ZWILCH: variants seen among roughly 807,000 people sequenced by gnomAD.
ZWILCH encodes protein zwilch homolog.
Under a neutral mutation model 79.9 loss-of-function variants are expected in ZWILCH, and 74 were observed. That is an observed-to-expected ratio of 0.93 (90% confidence interval 0.77 to 1.12). ZWILCH has a LOEUF of 1.12. Ranked by LOEUF, ZWILCH falls within the 50% of genes most tolerant of loss-of-function variation. The pLI is 0.00. For missense variants in ZWILCH, 694 were observed against 687.5 expected, an observed-to-expected ratio of 1.01 and a Z score of -0.11; for synonymous variants, 241 against 228.2, an observed-to-expected ratio of 1.06 and a Z score of -0.51.
chr15:66,526,909 A>G (rs1287766125), intron 8 of ZWILCH, among the ~76,000 whole-genome samples: 2 of 152,194 alleles, frequency 1.3e-5, no homozygotes, highest in Non-Finnish European at 2.9e-5. Context: ...CAAAGTTGCA[A>G]GCATCTCCAG....
intron 17 of ZWILCH, among the ~76,000 whole-genome samples, chr15:66,544,467 G>A (rs1278318404): frequency 2.0e-5 from 3 of 151,432 alleles, no homozygotes; most frequent in Non-Finnish European, 4.4e-5. Flanking sequence ...AAGTAGCTTG[G>A]GACTATGGGT....
At chr15:66,528,529 C>CT (rs1894754533) in intron 10 of ZWILCH, among the ~76,000 whole-genome samples, 1 of 152,074 alleles carries the variant, frequency 6.6e-6, no homozygotes, top group Admixed American at 6.5e-5. Context: ...TTAATATACT[C>CT]TAAGATGGTA....
intron 2 of ZWILCH, among the ~76,000 whole-genome samples, chr15:66,510,919 A>G (rs1894036863): frequency 6.6e-6 from 1 of 152,196 alleles, no homozygotes; most frequent in South Asian, 2.1e-4. Context: ...CCTAATCCAA[A>G]TTAATCCTCA....
At chr15:66,533,738 A>G (rs1295301464) in intron 14 of ZWILCH, among the ~76,000 whole-genome samples, 3 of 152,138 alleles carry the variant, frequency 2.0e-5, no homozygotes, top group Admixed American at 2.0e-4. Flanking sequence ...GCGCACACAC[A>G]CACACACAAA....
Position 66,540,283 on chromosome 15 carries a change from G to A in ZWILCH, c.1687+73G>A, listed in dbSNP as rs540728959. On this transcript the variant is annotated intron_variant, in intron 17 of 18. Transcript: ENST00000307897. ...TAAACTAAGTCTGGCTGGGCACAGC[G>A]GCTCACGCCTGTAATCCCAGCACTT... 94 of 1,269,664 alleles carry A rather than the reference G, an allele frequency of 7.4e-5. No individual in the cohort carries two copies. The African/African-American group carries it at 8.6e-4, about 12-fold the overall frequency. The allele number at this position is 1,269,664 out of a possible 1,614,324, so 78.6% of individuals were successfully genotyped here.
chr15:66,523,364 C>T (rs1894567703), intron 7 of ZWILCH: 2 of 231,078 alleles, frequency 8.7e-6, no homozygotes, highest in Non-Finnish European at 8.4e-6. Flanking sequence ...TAAATTTCTC[C>T]TACCTTGTCC....
chr15:66,535,419 T>C (rs1225337258), intron 14 of ZWILCH, among the ~76,000 whole-genome samples: 2 of 152,094 alleles, frequency 1.3e-5, no homozygotes, highest in Non-Finnish European at 2.9e-5. Flanking sequence ...TTTACGCCTG[T>C]AATCCCAGCA....
rs754610956 is a variant in ZWILCH at position 66,513,984 on chromosome 15, A to C, written c.106-4A>C. 1.1e-5 allele frequency: 17 copies of C among 1,606,752 alleles called. No individual in the cohort carries two copies. The East Asian group carries it at 2.9e-4, about 27-fold the overall frequency. On this transcript the variant is annotated splice_region_variant and splice_polypyrimidine_tract_variant and intron_variant, in intron 2 of 18. Transcript: ENST00000307897. ...ATAATGTTGCTCGATACCTGTTTTA[A>C]CAGGCTGATGTCCAAGTGCAGTTGA...
At chr15:66,540,306 C>A in intron 17 of ZWILCH, 96 bp downstream of exon 17, 1 of 955,174 alleles carries the variant, frequency 1.0e-6, no homozygotes, top group Non-Finnish European at 1.6e-6. Context: ...AATCCCAGCA[C>A]TTTGGGAGGC....
At chr15:66,512,812 T>G (rs1894116842) in intron 2 of ZWILCH, among the ~76,000 whole-genome samples, 1 of 151,782 alleles carries the variant, frequency 6.6e-6, no homozygotes, top group African/African-American at 2.4e-5. Context: ...TTTTTACTTT[T>G]TAAGATGGAG....
intron 8 of ZWILCH, among the ~76,000 whole-genome samples, chr15:66,525,536 G>A (rs1366738860): frequency 6.6e-6 from 1 of 151,714 alleles, no homozygotes; most frequent in African/African-American, 2.4e-5. Context: ...GCTCATCTTA[G>A]TTAAAATCTT....
At chr15:66,511,445 A>G (rs1894059555) in intron 2 of ZWILCH, among the ~76,000 whole-genome samples, 1 of 149,096 alleles carries the variant, frequency 6.7e-6, no homozygotes. Context: ...GTGAGCCAAG[A>G]TTGTGCCACT....
At chr15:66,518,752 A>G (rs1176300793) in intron 4 of ZWILCH, 127 bp from the exon 5 acceptor site, 11 of 823,382 alleles carry the variant, frequency 1.3e-5, no homozygotes, top group Non-Finnish European at 2.0e-5. Flanking sequence ...CCAAGGCTGT[A>G]GTGAGCTATG....
rs1394447276 is a variant in ZWILCH, at chr15:66,523,521, T to A, written c.748-156T>A. 1.0e-5 allele frequency: 6 copies of A among 574,746 alleles called. No individual in the cohort carries two copies. The East Asian group carries it at 1.6e-4, about 15-fold the overall frequency. 35.6% of individuals were successfully genotyped at this position (574,746 alleles called of 1,614,324 possible). A position where few individuals can be genotyped will look rare whatever the true frequency, so the allele number is the denominator to read the frequency against. Reference sequence around the variant, plus strand: ...GATGGCAAAATCTCTGAGTAAGATGTTCTAAATGATGTGTTGACCTCATTT... The same window carrying A: ...GATGGCAAAATCTCTGAGTAAGATGATCTAAATGATGTGTTGACCTCATTT... On this transcript the variant is annotated intron_variant, in intron 7 of 18. Transcript: ENST00000307897.
chr15:66,508,617 A>G (rs1893914212), intron 1 of ZWILCH: 1 of 807,500 alleles, frequency 1.2e-6, no homozygotes, highest in Admixed American at 3.6e-5. Context: ...CAGTCTATTA[A>G]TCTCTGTCAC....
In ZWILCH at chr15:66,537,180, G is replaced by C. The variant is rs1212476412; in HGVS notation, c.1491G>C (p.Lys497Asn). 1 of 1,613,186 alleles carries C rather than the reference G, an allele frequency of 6.2e-7. No individual in the cohort carries two copies. The highest frequency in any genetic ancestry group is 2.2e-5 in the East Asian group (1 of 44,868). Residue 497 changes from lysine to asparagine, a missense_variant, in exon 16 of 19, where the codon AAG becomes AAC. Coordinates refer to ENST00000307897, the MANE Select transcript of ZWILCH (RefSeq NM_017975.5). ...LLFSLTQICI[K>N]YYKQNPLDEQ... ...TTTGTTTTTTCAGGATCTGCATAAA[G>C]TATTACAAACAAAATCCTCTTGATG...
intron 8 of ZWILCH, 43 bp downstream of exon 8, chr15:66,523,791 T>A: frequency 6.9e-7 from 1 of 1,456,880 alleles, no homozygotes; most frequent in South Asian, 1.2e-5. Flanking sequence ...TCTATGTTTT[T>A]ATAAACATGT....
At chr15:66,513,306 C>T (rs1894138022) in intron 2 of ZWILCH, among the ~76,000 whole-genome samples, 1 of 151,920 alleles carries the variant, frequency 6.6e-6, no homozygotes, top group African/African-American at 2.4e-5. Context: ...TGGCTCATGC[C>T]TGTATTCCCA....
At chr15:66,525,706 C>T (rs1196452612) in intron 8 of ZWILCH, among the ~76,000 whole-genome samples, 5 of 151,224 alleles carry the variant, frequency 3.3e-5, no homozygotes, top group Non-Finnish European at 5.9e-5. Context: ...GCCCCAAGTT[C>T]GCCTATGCTC....
Sources: gnomAD v4.1 joint callset for allele counts (sites outside exome capture counted in the v4.1 genomes callset) on GRCh38, gnomAD v4.1.1 for gene constraint, MANE v1.5 for transcripts, NCBI Gene and HGNC (gene_info 2026-07-23, HGNC 2026-07-21) for gene names.